PPP2CB: variants seen among roughly 807,000 people sequenced by gnomAD.
PPP2CB encodes protein phosphatase 2 catalytic subunit beta.
A neutral mutation model predicts 39.1 loss-of-function variants in PPP2CB; 18 were observed. That is an observed-to-expected ratio of 0.46 (90% confidence interval 0.32 to 0.68). The LOEUF (loss-of-function observed/expected upper bound fraction) is 0.68. Ranked by LOEUF, PPP2CB falls within the 30% of genes least tolerant of loss-of-function variation. The pLI is 0.04. For synonymous variants in PPP2CB, 129 were observed against 133.8 expected, an observed-to-expected ratio of 0.96 and a Z score of 0.25; for missense variants, 226 against 396.9, an observed-to-expected ratio of 0.57 and a Z score of 3.66.
chr8:30,794,128 T>C (rs766831237), intron 4 of PPP2CB, 50 bp from the exon 5 acceptor site: 10 of 1,606,004 alleles, frequency 6.2e-6, no homozygotes, highest in Non-Finnish European at 8.5e-6. Flanking sequence ...AGTCATACTT[T>C]ATCATCCTCA....
At chr8:30,791,911 T>C (rs934571685) in intron 5 of PPP2CB, among the ~76,000 whole-genome samples, 1 of 151,962 alleles carries the variant, frequency 6.6e-6, no homozygotes, top group African/African-American at 2.4e-5. Context: ...TACATGTGTA[T>C]ATACATACAC....
At chr8:30,793,701 T>C (rs574264883) in intron 5 of PPP2CB, 11 of 451,524 alleles carry the variant, frequency 2.4e-5, no homozygotes, top group Non-Finnish European at 4.3e-5. Context: ...TGGGGTACTA[T>C]TTTTGTAACT....
chr8:30,789,924 C>A (rs1196081640), intron 6 of PPP2CB, among the ~76,000 whole-genome samples: 1 of 152,178 alleles, frequency 6.6e-6, no homozygotes, highest in African/African-American at 2.4e-5. Context: ...CCTTCCTAGC[C>A]TCTCCCTAGC....
chr8:30,792,012 ACAT>A (rs1806445109), intron 5 of PPP2CB, among the ~76,000 whole-genome samples: 1 of 149,142 alleles, frequency 6.7e-6, no homozygotes, highest in Non-Finnish European at 1.5e-5. Flanking sequence ...ATACACACAT[ACAT>A]GTGTGTATAT....
In PPP2CB at chr8:30,796,912, C is replaced by T. The variant is rs114739247; in HGVS notation, c.486+669G>A. 2.8e-3 allele frequency among the ~76,000 whole-genome samples: 420 copies of T among 152,240 alleles called. 2 individuals are homozygous for T. The highest frequency in any genetic ancestry group is 9.2e-3 in the African/African-American group (381 of 41,538). ...CCAGGCTGAAGCCCAGGCTGGATCA[C>T]GGCTCACTGCAGCCTTAACTTCCTG... On this transcript the variant is annotated intron_variant, in intron 3 of 6. Transcript: ENST00000221138.
In PPP2CB at chr8:30,795,318, T is replaced by C. The variant is rs1806504747; in HGVS notation, c.487-1037A>G. ...TTAGTAGAGACAGGGTTTCTCCATG[T>C]TGGCCAGGCTGGTCTTGAACTCCCA... On this transcript the variant is annotated intron_variant, in intron 3 of 6. Coordinates refer to ENST00000221138, the MANE Select transcript of PPP2CB (RefSeq NM_001009552.2). 3.9e-5 allele frequency among the ~76,000 whole-genome samples: 6 copies of C among 152,304 alleles called. No individual in the cohort carries two copies. In the South Asian group the frequency reaches 1.2e-3, roughly 32 times the overall value.
chr8:30,803,803 G>A (rs1482205339), intron 1 of PPP2CB, among the ~76,000 whole-genome samples: 4 of 143,234 alleles, frequency 2.8e-5, no homozygotes, highest in African/African-American at 1.1e-4. Context: ...ATACAACCAA[G>A]AAAAGACAAA....
intron 6 of PPP2CB, 22 bp from the exon 7 acceptor site, chr8:30,786,329 G>T: frequency 6.5e-7 from 1 of 1,541,214 alleles, no homozygotes; most frequent in Non-Finnish European, 8.8e-7. Flanking sequence ...AAAAAAGGAA[G>T]CAAATAAAGG....
At chr8:30,793,801 CTCT>C (rs952328789) in intron 5 of PPP2CB, 113 bp downstream of exon 5, 38 of 1,230,358 alleles carry the variant, frequency 3.1e-5, no homozygotes, top group Non-Finnish European at 2.7e-5. Flanking sequence ...CAAGTTTTTC[CTCT>C]TTTCACCTAG....
rs1586131048 is a variant in PPP2CB at position 30,812,777 on chromosome 8, C to T, written c.-356G>A. 2.1e-6 allele frequency: 1 copy of T among 467,222 alleles called. No individual in the cohort carries two copies. Among genetic ancestry groups the T allele is most frequent in the African/African-American group, 2.0e-5 (1 of 50,588 alleles). The allele number at this position is 467,222 out of a possible 1,614,324, so 28.9% of individuals were successfully genotyped here. A position where few individuals can be genotyped will look rare whatever the true frequency, so the allele number is the denominator to read the frequency against. Reference sequence around the variant, plus strand: ...GCCCGCTGCCGCTTCAGGCCCGCCTCACGCCTACCGGCCTCTCCCGACTTG... The same window carrying T: ...GCCCGCTGCCGCTTCAGGCCCGCCTTACGCCTACCGGCCTCTCCCGACTTG... On this transcript the variant is annotated 5_prime_UTR_variant, in exon 1 of 7. Coordinates refer to ENST00000221138, the MANE Select transcript of PPP2CB (RefSeq NM_001009552.2).
intron 6 of PPP2CB, among the ~76,000 whole-genome samples, chr8:30,790,007 C>T (rs150132608): frequency 6.6e-6 from 1 of 152,258 alleles, no homozygotes; most frequent in Admixed American, 6.5e-5. Context: ...GCATTCTCCC[C>T]TGTGTGTGTT....
chr8:30,791,916 A>T (rs1049997630), intron 5 of PPP2CB, among the ~76,000 whole-genome samples: 3 of 151,926 alleles, frequency 2.0e-5, no homozygotes, highest in African/African-American at 7.3e-5. Flanking sequence ...GTGTATATAC[A>T]TACACGTATA....
At chr8:30,791,953 CAT>C (rs1186456771) in intron 5 of PPP2CB, among the ~76,000 whole-genome samples, 1 of 141,298 alleles carries the variant, frequency 7.1e-6, no homozygotes, top group East Asian at 2.0e-4. Context: ...TATGTGTGCG[CAT>C]ATATGTATAC....
chr8:30,789,258 G>A (rs1301490123), intron 6 of PPP2CB, among the ~76,000 whole-genome samples: 1 of 152,072 alleles, frequency 6.6e-6, no homozygotes, highest in Non-Finnish European at 1.5e-5. Context: ...TTGAACTCCC[G>A]ACCTCAGGTG....
chr8:30,812,283 C>G (rs376538888), intron 1 of PPP2CB, 37 bp downstream of exon 1: 605 of 1,446,966 alleles, frequency 4.2e-4, no homozygotes, highest in Non-Finnish European at 5.1e-4. Flanking sequence ...CCCGTCCCAG[C>G]CCCGCGCTCC....
intron 1 of PPP2CB, among the ~76,000 whole-genome samples, chr8:30,805,553 C>G (rs1054724280): frequency 1.3e-5 from 2 of 151,894 alleles, no homozygotes; most frequent in African/African-American, 4.8e-5. Flanking sequence ...GAGAGAGAGA[C>G]TCCATCACAA....
chr8:30,796,429 G>A (rs1390943160), intron 3 of PPP2CB, among the ~76,000 whole-genome samples: 1 of 152,080 alleles, frequency 6.6e-6, no homozygotes, highest in Non-Finnish European at 1.5e-5. Flanking sequence ...CACCCAAGCT[G>A]GAGTGCCGTG....
intron 1 of PPP2CB, among the ~76,000 whole-genome samples, chr8:30,802,560 A>G (rs1175756703): frequency 6.6e-6 from 1 of 152,122 alleles, no homozygotes; most frequent in African/African-American, 2.4e-5. Context: ...AGCTCACTGC[A>G]GCCTCAAACT....
chr8:30,794,186 G>A lies in PPP2CB; in HGVS notation c.576+6C>T. 2 of 1,612,722 alleles carry A rather than the reference G, an allele frequency of 1.2e-6. No homozygotes were observed. Among genetic ancestry groups the A allele is most frequent in the Non-Finnish European group, 1.7e-6 (2 of 1,179,372 alleles). ...CCTTTCTTCTTCTTTTTTAAATTAA[G>A]TTTACCTCATGTGGAACTTCCTGTA... is the stretch of plus-strand genomic sequence containing the variant. On this transcript the variant is annotated splice_donor_region_variant and intron_variant, in intron 4 of 6. Transcript: ENST00000221138.
Sources: gnomAD v4.1 joint callset for allele counts (sites outside exome capture counted in the v4.1 genomes callset) on GRCh38, gnomAD v4.1.1 for gene constraint, MANE v1.5 for transcripts, NCBI Gene and HGNC (gene_info 2026-07-23, HGNC 2026-07-21) for gene names.